ZNF423: variants seen among roughly 807,000 people sequenced by gnomAD.
ZNF423 encodes Ebf-associated zinc finger protein.
A neutral mutation model predicts 95.8 loss-of-function variants in ZNF423; 12 were observed. The observed-to-expected ratio is 0.13, with a 90% CI of 0.08 to 0.20. The LOEUF is 0.20. Ranked by LOEUF, ZNF423 falls within the 10% of genes least tolerant of loss-of-function variation. The pLI is 1.00. For missense variants in ZNF423, 1,316 were observed against 1,737.1 expected, an observed-to-expected ratio of 0.76 and a Z score of 4.31; for synonymous variants, 749 against 711.9, an observed-to-expected ratio of 1.05 and a Z score of -0.83.
chr16:49,680,555 GGTTCT>G (rs1178947410), intron 3 of ZNF423, among the ~76,000 whole-genome samples: 1 of 152,188 alleles, frequency 6.6e-6, no homozygotes, highest in Admixed American at 6.5e-5. Flanking sequence ...CCTTCCTTGG[GGTTCT>G]GTGGTTCCTG....
intron 3 of ZNF423, among the ~76,000 whole-genome samples, chr16:49,680,257 G>A (rs550642240): frequency 8.5e-5 from 13 of 152,204 alleles, no homozygotes; most frequent in Admixed American, 2.6e-4. Flanking sequence ...CTTGTTGGGC[G>A]ACCTGCCCAT....
chr16:49,666,288 C>T (rs941075597), intron 3 of ZNF423, among the ~76,000 whole-genome samples: 7 of 152,194 alleles, frequency 4.6e-5, no homozygotes, highest in African/African-American at 1.7e-4. Flanking sequence ...TTACTGGGGC[C>T]CTGCTCCCAA....
At chr16:49,602,923 C>T (rs1971422907) in intron 5 of ZNF423, among the ~76,000 whole-genome samples, 1 of 152,224 alleles carries the variant, frequency 6.6e-6, no homozygotes, top group South Asian at 2.1e-4. Flanking sequence ...CAAAGGTTAA[C>T]AGCGGAGCTG....
At chr16:49,722,758 T>C (rs2143283903) in intron 3 of ZNF423, among the ~76,000 whole-genome samples, 1 of 152,248 alleles carries the variant, frequency 6.6e-6, no homozygotes, top group East Asian at 1.9e-4. Context: ...GCACCTACTA[T>C]GTGTTCTAGC....
rs193184981 is a variant in ZNF423, at chr16:49,488,249, G to A, written c.*3026C>T. On this transcript the variant is annotated 3_prime_UTR_variant, in exon 8 of 8. Transcript: ENST00000563137. ...ACACAACTGTGAATTTAAAAGGAGC[G>A]TTCTTTAAGGCTGGGGAACTCGAGA... 2.0e-5 allele frequency: 3 copies of A among 152,228 alleles called. No homozygotes were observed. The highest frequency in any genetic ancestry group is 6.5e-5 in the Admixed American group (1 of 15,290). 9.4% of individuals were successfully genotyped at this position (152,228 alleles called of 1,614,324 possible).
intron 5 of ZNF423, among the ~76,000 whole-genome samples, chr16:49,583,699 T>C (rs1374332050): frequency 6.6e-6 from 1 of 152,196 alleles, no homozygotes; most frequent in Non-Finnish European, 1.5e-5. Flanking sequence ...ACCAAATCTA[T>C]ATCCAATAAT....
At chr16:49,612,016 C>T (rs1400155167) in intron 5 of ZNF423, among the ~76,000 whole-genome samples, 8 of 151,960 alleles carry the variant, frequency 5.3e-5, no homozygotes, top group Admixed American at 5.2e-4. Flanking sequence ...GTAAAGAAAT[C>T]CCCAGACCCA....
At chr16:49,563,868 T>A (rs933278348) in intron 5 of ZNF423, among the ~76,000 whole-genome samples, 1 of 152,256 alleles carries the variant, frequency 6.6e-6, no homozygotes, top group African/African-American at 2.4e-5. Flanking sequence ...GAGAATTCCA[T>A]GTCTGCTCAA....
At chr16:49,858,724 C>CCG (rs1555491194), upstream of ZNF423, among the ~76,000 whole-genome samples, 9 of 143,064 alleles carry the variant, frequency 6.3e-5, no homozygotes, top group Middle Eastern at 3.6e-3. This position sits in a 1 kb window ranked among gnomAD's most constrained non-coding sequence, Gnocchi z 4.3. Context: ...GGAGCCCCCC[C>CCG]CCCCACGCCC....
rs933144425 is a variant in ZNF423, at chr16:49,657,951, C to T, written c.302-19077G>A. On this transcript the variant is annotated intron_variant, in intron 3 of 7. Coordinates refer to ENST00000563137, the MANE Select transcript of ZNF423 (RefSeq NM_001379286.1). The stretch of plus-strand genomic sequence containing the variant: ...GCTCAAGTCACTGAGAGGCCACCGT[C>T]AGGGTCTGTGTCCTATACTATTACT... Among the ~76,000 whole-genome samples, 4 of 152,208 alleles carry T rather than the reference C, an allele frequency of 2.6e-5. No individual in the cohort carries two copies. The East Asian group carries it at 7.7e-4, about 29-fold the overall frequency.
intron 5 of ZNF423, among the ~76,000 whole-genome samples, chr16:49,536,857 T>C (rs914058469): frequency 1.3e-5 from 2 of 152,252 alleles, no homozygotes; most frequent in Non-Finnish European, 2.9e-5. Flanking sequence ...TTGGAAAGCA[T>C]TGTGTTAGAA....
chr16:49,644,175 C>G (rs1321140323), intron 3 of ZNF423, among the ~76,000 whole-genome samples: 2 of 152,122 alleles, frequency 1.3e-5, no homozygotes, highest in African/African-American at 4.8e-5. Flanking sequence ...CGAAAGGGAA[C>G]CTTCCTGCAG....
intron 5 of ZNF423, among the ~76,000 whole-genome samples, chr16:49,622,278 C>T (rs963755396): frequency 6.6e-6 from 1 of 152,134 alleles, no homozygotes; most frequent in South Asian, 2.1e-4. Context: ...TGGACCCTGG[C>T]CTACGGGGTG....
At chr16:49,821,280 G>A (rs767355466) in intron 1 of ZNF423, among the ~76,000 whole-genome samples, 5 of 152,108 alleles carry the variant, frequency 3.3e-5, no homozygotes, top group African/African-American at 4.8e-5. Flanking sequence ...GGCGGGGGGC[G>A]ATGGGGAGCC....
intron 5 of ZNF423, among the ~76,000 whole-genome samples, chr16:49,585,365 C>T (rs1970796070): frequency 6.6e-6 from 1 of 152,182 alleles, no homozygotes; most frequent in Non-Finnish European, 1.5e-5. Context: ...TCCCAAGGTC[C>T]CCTCAAGTCC....
intron 5 of ZNF423, among the ~76,000 whole-genome samples, chr16:49,621,731 C>T (rs1186089693): frequency 6.6e-6 from 1 of 152,202 alleles, no homozygotes; most frequent in East Asian, 1.9e-4. Context: ...CACTGGGACA[C>T]TGGGCCCCAA....
chr16:49,516,129 G>C (rs1968132086), intron 7 of ZNF423, among the ~76,000 whole-genome samples: 1 of 152,184 alleles, frequency 6.6e-6, no homozygotes, highest in African/African-American at 2.4e-5. Flanking sequence ...AGGGGAAGGG[G>C]GACCCGAAGC....
intron 3 of ZNF423, among the ~76,000 whole-genome samples, chr16:49,668,614 T>C (rs2030653124): frequency 6.6e-6 from 1 of 152,110 alleles, no homozygotes; most frequent in South Asian, 2.1e-4. Flanking sequence ...TCAGCCAAGA[T>C]ACAGGGAAGG....
intron 2 of ZNF423, among the ~76,000 whole-genome samples, chr16:49,763,828 C>T (rs1359456934): frequency 6.6e-6 from 1 of 152,162 alleles, no homozygotes; most frequent in Non-Finnish European, 1.5e-5. Flanking sequence ...CATGAACAAA[C>T]AGAAGACCAC....
Sources: gnomAD v4.1 joint callset for allele counts (sites outside exome capture counted in the v4.1 genomes callset) on GRCh38, gnomAD v4.1.1 for gene constraint, Gnocchi (gnomAD v3.1) non-coding constraint, MANE v1.5 for transcripts, NCBI Gene and HGNC (gene_info 2026-07-23, HGNC 2026-07-21) for gene names.